The following OR14A2 variants were observed in gnomAD, a reference collection of about 807,000 sequenced individuals.
The protein encoded by OR14A2 is olfactory receptor 14A2.
For missense variants in OR14A2, 237 were observed against 152.9 expected (o/e 1.55, Z -2.90); for synonymous variants, 114 against 58.6 (o/e 1.95, Z -4.32).
At chr1:247,728,409 T>C (rs1660438713), upstream of OR14A2, among the ~76,000 whole-genome samples, 1 of 152,066 alleles carries the variant, frequency 6.6e-6, no homozygotes, top group African/African-American at 2.4e-5. Context: ...AATTAGGTAT[T>C]GATGGGACGT....
chr1:247,733,063 C>T, the OR14A2 span, among the ~76,000 whole-genome samples: 2 of 152,086 alleles, frequency 1.3e-5, no homozygotes, highest in African/African-American at 2.4e-5. Flanking sequence ...ACGAGGTCCC[C>T]CTGAGACTGC....
At chr1:247,729,413 A>G in the OR14A2 span, among the ~76,000 whole-genome samples, 1 of 152,116 alleles carries the variant, frequency 6.6e-6, no homozygotes, top group Non-Finnish European at 1.5e-5. Context: ...GCTATGTAAT[A>G]TACTGTATAA....
chr1:247,745,152 G>A, the OR14A2 span, among the ~76,000 whole-genome samples: 1 of 152,044 alleles, frequency 6.6e-6, no homozygotes, highest in African/African-American at 2.4e-5. Context: ...AAGAATAATA[G>A]TATATTGAAG....
chr1:247,724,073 G>A (rs1157589897), upstream of OR14A2: 1 of 655,604 alleles, frequency 1.5e-6, no homozygotes, highest in Non-Finnish European at 2.8e-6. Context: ...CTGTCAAGGT[G>A]AGAAAATATG....
the OR14A2 span, among the ~76,000 whole-genome samples, chr1:247,742,601 G>C: frequency 1.3e-5 from 2 of 152,194 alleles, no homozygotes; most frequent in Non-Finnish European, 2.9e-5. Flanking sequence ...CCACTTAACT[G>C]CTTGTTCTAG....
chr1:247,723,407 C>A (rs1214036525), exon 1 of OR14A2: 6 of 717,340 alleles, frequency 8.4e-6, no homozygotes, highest in East Asian at 2.7e-5. Flanking sequence ...TAAGAGATCA[C>A]AATACAGATG....
the OR14A2 span, chr1:247,738,953 T>C: frequency 1.3e-6 from 1 of 780,750 alleles, no homozygotes; most frequent in East Asian, 2.4e-5. Context: ...TTGGCATCCT[T>C]ACTGCCATGT....
At chr1:247,723,739 A>T (rs1380114422) in exon 1 of OR14A2, 1 of 718,498 alleles carries the variant, frequency 1.4e-6, no homozygotes, top group Non-Finnish European at 2.6e-6. Flanking sequence ...GAAGGAAGTC[A>T]TTAAAAGTAG....
At chr1:247,745,211 A>T in the OR14A2 span, among the ~76,000 whole-genome samples, 6 of 152,204 alleles carry the variant, frequency 3.9e-5, no homozygotes, top group Non-Finnish European at 8.8e-5. Context: ...GTGATCTATA[A>T]TTAGGTAATT....
upstream of OR14A2, among the ~76,000 whole-genome samples, chr1:247,727,599 A>C (rs920209785): frequency 6.7e-6 from 1 of 148,836 alleles, no homozygotes; most frequent in African/African-American, 2.6e-5. Context: ...AAATAGAGAC[A>C]CAAAAAACCC....
At chr1:247,725,393 G>C (rs942369974), upstream of OR14A2, among the ~76,000 whole-genome samples, 4 of 152,010 alleles carry the variant, frequency 2.6e-5, no homozygotes, top group Non-Finnish European at 5.9e-5. Context: ...TCAATGGTCA[G>C]TCTGGAGAAA....
upstream of OR14A2, among the ~76,000 whole-genome samples, chr1:247,725,485 TTTTATTTATTTA>T (rs539862993): frequency 7.7e-4 from 115 of 149,950 alleles, no homozygotes; most frequent in African/African-American, 2.5e-3. Flanking sequence ...ATCTACAAGA[TTTTATTTATTTA>T]TTTATTTATT....
the OR14A2 span, among the ~76,000 whole-genome samples, chr1:247,747,651 C>T: frequency 1.1e-4 from 17 of 152,222 alleles, no homozygotes; most frequent in African/African-American, 4.1e-4. Flanking sequence ...CGTGAGGCAC[C>T]GCGCCCGGGC....
chr1:247,723,001 G>A (rs1660235344), downstream of OR14A2: 1 of 618,370 alleles, frequency 1.6e-6, no homozygotes, highest in Admixed American at 3.0e-5. Flanking sequence ...AATAATTTGA[G>A]TATATTGCTT....
exon 1 of OR14A2, chr1:247,723,437 A>G (rs1211014532): frequency 1.4e-6 from 1 of 717,652 alleles, no homozygotes; most frequent in South Asian, 1.5e-5. Flanking sequence ...ATGCTTAAAC[A>G]TGCACCAACT....
the OR14A2 span, among the ~76,000 whole-genome samples, chr1:247,741,456 A>G: frequency 6.6e-6 from 1 of 152,198 alleles, no homozygotes; most frequent in African/African-American, 2.4e-5. Flanking sequence ...ATTGCATTAA[A>G]TGAACTTATC....
At chr1:247,741,677 G>T in the OR14A2 span, among the ~76,000 whole-genome samples, 1 of 152,194 alleles carries the variant, frequency 6.6e-6, no homozygotes, top group East Asian at 1.9e-4. Flanking sequence ...GTAGTAACAG[G>T]AAGTGAATTT....
the OR14A2 span, among the ~76,000 whole-genome samples, chr1:247,736,150 C>CTTTGTTATGAATGTTG: frequency 7.3e-6 from 1 of 137,268 alleles, no homozygotes; most frequent in Non-Finnish European, 1.6e-5. Flanking sequence ...TCCATATAGG[C>CTTTGTTATGAATGTTG]CTCCCCTCCC....
At chr1:247,739,671 A>G in the OR14A2 span, 2 of 610,304 alleles carry the variant, frequency 3.3e-6, no homozygotes, top group Non-Finnish European at 5.9e-6. Context: ...CTTGCTACTG[A>G]TAATCTCAAG....
Sources: allele counts gnomAD v4.1 joint callset (sites outside exome capture counted in the v4.1 genomes callset), GRCh38; gene constraint gnomAD v4.1.1; transcripts MANE v1.5; gene names NCBI Gene and HGNC (gene_info 2026-07-23, HGNC 2026-07-21).